The following UGGT2 variants were observed in gnomAD, a reference collection of about 807,000 sequenced individuals.
The protein encoded by UGGT2 is UDP-glucose:glycoprotein glucosyltransferase 2.
UGGT2 carries 180 observed loss-of-function variants against 192.1 expected under a neutral mutation model. The ratio of observed to expected loss-of-function variants is 0.94; its 90% CI spans 0.83 to 1.06. The LOEUF (loss-of-function observed/expected upper bound fraction) is 1.06. Among genes scored for constraint, UGGT2 ranks in the 50% least tolerant of loss-of-function variants. The probability of loss-of-function intolerance (pLI) is 0.00; values close to 1 mark genes in which losing one functional copy is unlikely to be tolerated. For missense variants in UGGT2, 1,849 were observed against 1,795.7 expected, an observed-to-expected ratio of 1.03 and a Z score of -0.54; for synonymous variants, 580 against 591.0, an observed-to-expected ratio of 0.98 and a Z score of 0.27.
At chr13:95,994,333 C>T (rs906849040) in intron 7 of UGGT2, among the ~76,000 whole-genome samples, 5 of 151,618 alleles carry the variant, frequency 3.3e-5, no homozygotes, top group African/African-American at 9.7e-5. Context: ...CCACAGCTTG[C>T]CAAGTTAATT....
At chr13:95,914,817 A>G (rs991049725) in intron 20 of UGGT2, among the ~76,000 whole-genome samples, 1 of 151,938 alleles carries the variant, frequency 6.6e-6, no homozygotes, top group Non-Finnish European at 1.5e-5. Context: ...ACAAAAACAA[A>G]AGAACAAAAA....
intron 36 of UGGT2, among the ~76,000 whole-genome samples, chr13:95,851,696 G>T (rs911298623): frequency 6.6e-6 from 1 of 152,218 alleles, no homozygotes; most frequent in Non-Finnish European, 1.5e-5. Flanking sequence ...ATTTTACTGA[G>T]AAGTGTTAAG....
chr13:95,992,326 T>A (rs967584699), intron 7 of UGGT2, among the ~76,000 whole-genome samples: 1 of 152,216 alleles, frequency 6.6e-6, no homozygotes, highest in Non-Finnish European at 1.5e-5. Context: ...TCCATGAGCA[T>A]GGAATGTTTT....
intron 38 of UGGT2, among the ~76,000 whole-genome samples, chr13:95,825,131 T>C (rs928283510): frequency 3.9e-5 from 6 of 152,142 alleles, no homozygotes; most frequent in African/African-American, 9.7e-5. Context: ...CTATCTCCTA[T>C]GGAATTGTAA....
intron 7 of UGGT2, among the ~76,000 whole-genome samples, chr13:95,994,785 A>G (rs2051566239): frequency 6.6e-6 from 1 of 152,070 alleles, no homozygotes; most frequent in African/African-American, 2.4e-5. Flanking sequence ...AATGAAGAAC[A>G]GGATCAAAAA....
intron 5 of UGGT2, among the ~76,000 whole-genome samples, chr13:96,000,987 A>G (rs565314223): frequency 2.0e-4 from 31 of 152,334 alleles, no homozygotes; most frequent in Admixed American, 2.0e-3. Context: ...GTTATTTTGA[A>G]CATAAAAGAT....
intron 38 of UGGT2, among the ~76,000 whole-genome samples, chr13:95,832,169 C>G (rs1362557315): frequency 6.6e-6 from 1 of 151,594 alleles, no homozygotes; most frequent in Non-Finnish European, 1.5e-5. Flanking sequence ...TTCTGAACCA[C>G]TGGGAAGAAT....
chr13:95,833,814 A>C (rs1242748298), intron 37 of UGGT2, among the ~76,000 whole-genome samples: 1 of 152,210 alleles, frequency 6.6e-6, no homozygotes, highest in East Asian at 1.9e-4. Context: ...CTGAGACAGA[A>C]GACAATGGGA....
intron 38 of UGGT2, among the ~76,000 whole-genome samples, chr13:95,822,432 A>AT (rs1256030038): frequency 6.6e-6 from 1 of 152,006 alleles, no homozygotes; most frequent in African/African-American, 2.4e-5. Flanking sequence ...CAGAACTAGG[A>AT]TTTTTTTGGA....
intron 38 of UGGT2, among the ~76,000 whole-genome samples, chr13:95,824,370 T>C (rs1021619727): frequency 6.6e-6 from 1 of 152,186 alleles, no homozygotes; most frequent in African/African-American, 2.4e-5. Flanking sequence ...TCCTCAATTA[T>C]TCCCTCAAAT....
At chr13:95,997,717 C>T (rs1295402991) in intron 6 of UGGT2, among the ~76,000 whole-genome samples, 6 of 152,118 alleles carry the variant, frequency 3.9e-5, no homozygotes, top group African/African-American at 1.4e-4. Context: ...GCAAAAGGAA[C>T]AGCATATGCT....
At chr13:95,946,412 G>C (rs2049869879) in intron 15 of UGGT2, among the ~76,000 whole-genome samples, 1 of 152,178 alleles carries the variant, frequency 6.6e-6, no homozygotes, top group South Asian at 2.1e-4. Flanking sequence ...TCCATTGCCT[G>C]GGCTGGAGTG....
intron 17 of UGGT2, among the ~76,000 whole-genome samples, chr13:95,933,757 C>A (rs1044795088): frequency 6.6e-6 from 1 of 152,154 alleles, no homozygotes; most frequent in Non-Finnish European, 1.5e-5. Context: ...TCTCGGCTCA[C>A]TGCAAGCTCC....
At chr13:95,925,801 A>T in intron 19 of UGGT2, 27 bp from the exon 20 acceptor site, 1 of 1,481,496 alleles carries the variant, frequency 6.7e-7, no homozygotes, top group Non-Finnish European at 9.1e-7. Context: ...GTTTACTCAA[A>T]TTAACTTTTT....
At chr13:95,859,426 C>CT (rs1889939877) in intron 33 of UGGT2, among the ~76,000 whole-genome samples, 165 bp downstream of exon 33, 1 of 152,018 alleles carries the variant, frequency 6.6e-6, no homozygotes, top group African/African-American at 2.4e-5. Flanking sequence ...TTGAACATCT[C>CT]TAAATAAAAA....
At chr13:96,008,075 T>A (rs1466335779) in intron 5 of UGGT2, among the ~76,000 whole-genome samples, 1 of 152,134 alleles carries the variant, frequency 6.6e-6, no homozygotes, top group Non-Finnish European at 1.5e-5. Flanking sequence ...CCCAAAACTA[T>A]GAAACGACTA....
At chr13:95,884,065 CAAA>C (rs35937679) in intron 27 of UGGT2, among the ~76,000 whole-genome samples, 1 of 73,960 alleles carries the variant, frequency 1.4e-5, no homozygotes. Context: ...GCTGTGAGGC[CAAA>C]AAAAAAAAAA....
chr13:95,807,727 T>TTTTTTTTTTTTTTTTTTTC (rs1566531204), intron 38 of UGGT2, among the ~76,000 whole-genome samples: 1 of 147,288 alleles, frequency 6.8e-6, no homozygotes, highest in Non-Finnish European at 1.5e-5. Context: ...TTTTTTTTTT[T>TTTTTTTTTTTTTTTTTTTC]TTTTTTTTGC....
intron 27 of UGGT2, 81 bp downstream of exon 27, chr13:95,884,410 T>G: frequency 8.9e-7 from 1 of 1,117,970 alleles, no homozygotes; most frequent in Middle Eastern, 2.4e-4. Flanking sequence ...ATAGTATGAT[T>G]GCTCACTTGC....
Sources: gnomAD v4.1 joint callset for allele counts (sites outside exome capture counted in the v4.1 genomes callset) on GRCh38, gnomAD v4.1.1 for gene constraint, MANE v1.5 for transcripts, NCBI Gene and HGNC (gene_info 2026-07-23, HGNC 2026-07-21) for gene names.